Variants in MAP2K4 observed in about 807,000 individuals in gnomAD.
MAP2K4 encodes the protein dual specificity mitogen-activated protein kinase kinase 4.
In MAP2K4, 4 loss-of-function variants were observed where a neutral mutation model predicts 48.5. The observed-to-expected ratio is 0.08, with a 90% CI of 0.04 to 0.19. The LOEUF is 0.19. Ranked by LOEUF, MAP2K4 falls within the 10% of genes least tolerant of loss-of-function variation. The probability of loss-of-function intolerance (pLI) is 1.00; values close to 1 mark genes in which losing one functional copy is unlikely to be tolerated. For missense variants in MAP2K4, 258 were observed against 493.3 expected (o/e 0.52, Z 4.52); for synonymous variants, 166 against 173.1 (o/e 0.96, Z 0.32).
intron 1 of MAP2K4, among the ~76,000 whole-genome samples, chr17:12,038,489 A>G (rs1597400491): frequency 6.6e-6 from 1 of 152,172 alleles, no homozygotes; most frequent in Admixed American, 6.5e-5. Context: ...TACAAATGTT[A>G]ACAGTTAACA....
chr17:12,063,360 A>G (rs1257196801), intron 2 of MAP2K4, among the ~76,000 whole-genome samples: 4 of 152,148 alleles, frequency 2.6e-5, no homozygotes, highest in African/African-American at 9.7e-5. Flanking sequence ...TAGTCAATTT[A>G]TTTTTGACTG....
chr17:12,128,847 G>A (rs112362695), intron 8 of MAP2K4, among the ~76,000 whole-genome samples: 30 of 152,168 alleles, frequency 2.0e-4, no homozygotes, highest in African/African-American at 7.0e-4. Flanking sequence ...AGAACCACAG[G>A]CTGCCCTGGA....
At position 12,064,653 on chromosome 17, in the gene MAP2K4, C is replaced by G. The variant is rs539268072; in HGVS notation, c.218+9662C>G. Among the ~76,000 whole-genome samples the G allele has an allele frequency of 2.6e-5, 4 of 152,226 alleles. No homozygotes were observed. In the East Asian group the frequency reaches 5.8e-4, roughly 22 times the overall value. ...AATGGTACAACCACTTTAGAAAACT[C>G]TGCTAGGTTTTTAATAAAATGAAAC... On this transcript the variant is annotated intron_variant, in intron 2 of 10. Coordinates refer to ENST00000353533, the MANE Select transcript of MAP2K4 (RefSeq NM_003010.4).
chr17:12,075,644 C>G (rs547777549), intron 2 of MAP2K4, among the ~76,000 whole-genome samples: 2 of 152,262 alleles, frequency 1.3e-5, no homozygotes, highest in East Asian at 3.9e-4. Flanking sequence ...ATGTTCAACT[C>G]TAGCAGTTGA....
chr17:12,119,728 A>T (rs1339624395), intron 7 of MAP2K4, among the ~76,000 whole-genome samples: 2 of 152,236 alleles, frequency 1.3e-5, no homozygotes, highest in South Asian at 4.1e-4. Flanking sequence ...AATAGCAAAG[A>T]CATGTAATCA....
chr17:12,100,189 C>A (rs528931140), intron 4 of MAP2K4, among the ~76,000 whole-genome samples: 3 of 152,180 alleles, frequency 2.0e-5, no homozygotes, highest in Non-Finnish European at 2.9e-5. Flanking sequence ...CCATCACTTA[C>A]GAGTTTCCTT....
intron 1 of MAP2K4, among the ~76,000 whole-genome samples, chr17:12,033,598 ATG>A (rs1383800607): frequency 3.3e-5 from 5 of 152,176 alleles, no homozygotes; most frequent in African/African-American, 1.2e-4. Flanking sequence ...AAAGTAATAT[ATG>A]ATTTCCTGCT....
intron 1 of MAP2K4, among the ~76,000 whole-genome samples, chr17:12,040,445 A>G (rs1419375658): frequency 6.6e-6 from 1 of 152,168 alleles, no homozygotes; most frequent in Non-Finnish European, 1.5e-5. Context: ...TAAAAACTGG[A>G]TACTTGTCCT....
intron 1 of MAP2K4, among the ~76,000 whole-genome samples, chr17:12,035,976 A>G (rs1038998195): frequency 6.6e-6 from 1 of 151,508 alleles, no homozygotes; most frequent in African/African-American, 2.4e-5. Flanking sequence ...TTTATTGGAG[A>G]TGTGTGTGTG....
At chr17:12,075,874 T>A (rs943794539) in intron 2 of MAP2K4, among the ~76,000 whole-genome samples, 1 of 152,346 alleles carries the variant, frequency 6.6e-6, no homozygotes, top group South Asian at 2.1e-4. Flanking sequence ...TTGCAACCTA[T>A]TCCCATAGTA....
intron 9 of MAP2K4, among the ~76,000 whole-genome samples, chr17:12,134,897 C>T (rs961635646): frequency 3.3e-5 from 5 of 152,006 alleles, no homozygotes; most frequent in Admixed American, 1.3e-4. Flanking sequence ...GCTGGATAAG[C>T]TTTTTATTTT....
intron 1 of MAP2K4, among the ~76,000 whole-genome samples, chr17:12,048,651 TTTTA>T: frequency 6.6e-6 from 1 of 152,130 alleles, no homozygotes; most frequent in East Asian, 1.9e-4. Context: ...CTTTATTTAT[TTTTA>T]TTTATTTATT....
chr17:12,045,371 C>A (rs1218002992), intron 1 of MAP2K4, among the ~76,000 whole-genome samples: 1 of 151,862 alleles, frequency 6.6e-6, no homozygotes, highest in Admixed American at 6.6e-5. Flanking sequence ...GATGTAAGAC[C>A]TGTGTGCACG....
intron 1 of MAP2K4, chr17:12,036,731 C>T (rs924298910): frequency 1.1e-4 from 16 of 150,848 alleles, no homozygotes; most frequent in African/African-American, 2.2e-4. Flanking sequence ...AGATGAGAAT[C>T]GTGACTCATT....
At chr17:12,044,848 GTTAA>G (rs1041551194) in intron 1 of MAP2K4, among the ~76,000 whole-genome samples, 86 of 152,338 alleles carry the variant, frequency 5.6e-4, no homozygotes, top group African/African-American at 2.0e-3. Context: ...CTCCTTTGGG[GTTAA>G]TTAATTTGCT....
At chr17:12,033,826 A>C (rs1010848896) in intron 1 of MAP2K4, among the ~76,000 whole-genome samples, 5 of 152,082 alleles carry the variant, frequency 3.3e-5, no homozygotes, top group African/African-American at 1.2e-4. Flanking sequence ...ATTTTTGTTC[A>C]TTTCGGAGAC....
chr17:12,120,534 T>TCCC lies in MAP2K4; in HGVS notation c.814-4753_814-4751dup, dbSNP rs33918738. Among the ~76,000 whole-genome samples, 329 of 137,262 alleles carry TCCC rather than the reference T, an allele frequency of 2.4e-3. 2 individuals are homozygous for TCCC. Among genetic ancestry groups the TCCC allele is most frequent in the African/African-American group, 8.1e-3 (307 of 37,848 alleles). The allele number at this position is 137,262 out of a possible 152,430, so 90.0% of individuals were successfully genotyped here. A position where few individuals can be genotyped will look rare whatever the true frequency, so the allele number is the denominator to read the frequency against. ...AGAAAATGGAAACAAGCTCCCTCAT[T>TCCC]CCCCCCCCCATAAAAAAGAAAAAAT... On this transcript the variant is annotated intron_variant, in intron 7 of 10. Transcript: ENST00000353533.
rs527463657 is a variant in MAP2K4, at chr17:12,020,950, G to A, written c.64G>A (p.Gly22Ser). 5 of 1,115,682 alleles carry A rather than the reference G, an allele frequency of 4.5e-6. No individual in the cohort carries two copies. Among genetic ancestry groups the A allele is most frequent in the Non-Finnish European group, 5.5e-6 (5 of 916,602 alleles). The allele number at this position is 1,115,682 out of a possible 1,614,324, so 69.1% of individuals were successfully genotyped here. The change falls in exon 1 of 11, where the codon GGC (glycine) becomes AGC (serine). Residue 22 changes from glycine to serine, a missense_variant. Coordinates refer to ENST00000353533, the MANE Select transcript of MAP2K4 (RefSeq NM_003010.4). Reference sequence around the variant, plus strand: ...GGGCGGCAGCGGCAGCGGCACCCCCGGCCCCGTAGGGTCCCCGGCGCCAGG... The same window carrying A: ...GGGCGGCAGCGGCAGCGGCACCCCCAGCCCCGTAGGGTCCCCGGCGCCAGG... Reference protein sequence around the residue: ...SGGGSGSGTPGPVGSPAPGHP... With the variant: ...SGGGSGSGTPSPVGSPAPGHP...
chr17:12,124,688 T>G (rs1972797777), intron 7 of MAP2K4: 1 of 152,182 alleles, frequency 6.6e-6, no homozygotes, highest in Admixed American at 6.5e-5. Flanking sequence ...TTTTAATTTT[T>G]TTTTTGAGAT....
Sources: allele counts gnomAD v4.1 joint callset (sites outside exome capture counted in the v4.1 genomes callset), GRCh38; gene constraint gnomAD v4.1.1; transcripts MANE v1.5; gene names NCBI Gene and HGNC (gene_info 2026-07-23, HGNC 2026-07-21).